The following PDE3B variants were observed in gnomAD, a reference collection of about 807,000 sequenced individuals.
PDE3B encodes cGMP-inhibited 3',5'-cyclic phosphodiesterase 3B.
PDE3B carries 66 observed loss-of-function variants against 116.8 expected under a neutral mutation model. That is an observed-to-expected ratio of 0.56 (90% CI 0.46 to 0.69). PDE3B has a LOEUF of 0.69. Ranked by LOEUF, PDE3B falls within the 30% of genes least tolerant of loss-of-function variation. The pLI is 0.00. For synonymous variants in PDE3B, 595 were observed against 533.6 expected, an observed-to-expected ratio of 1.12 and a Z score of -1.59; for missense variants, 1,384 against 1,368.1, an observed-to-expected ratio of 1.01 and a Z score of -0.18.
intron 1 of PDE3B, among the ~76,000 whole-genome samples, chr11:14,704,123 T>C (rs1282484193): frequency 1.3e-5 from 2 of 151,842 alleles, no homozygotes; most frequent in Non-Finnish European, 3.0e-5. Context: ...ATTCATTTCC[T>C]AGTTTTTATT....
chr11:14,703,884 G>A lies in PDE3B; in HGVS notation c.978+58831G>A, dbSNP rs576528833. On this transcript the variant is annotated intron_variant, in intron 1 of 15. Transcript: ENST00000282096. ...AGTCTGTTAGTGGTAAGTTCTTTTT[G>A]TGTTTCTGGAAGTTTCTTTGTTTAA... 1.5e-4 allele frequency among the ~76,000 whole-genome samples: 23 copies of A among 151,642 alleles called. No homozygotes were observed. In the South Asian group the frequency reaches 4.6e-3, roughly 30 times the overall value.
intron 3 of PDE3B, 80 bp downstream of exon 3, chr11:14,786,765 T>G: frequency 1.7e-6 from 2 of 1,150,160 alleles, no homozygotes; most frequent in South Asian, 2.9e-5. Context: ...AAATTCTATA[T>G]AGAATACAAT....
In PDE3B at chr11:14,644,713, C is replaced by A; in HGVS notation, c.638C>A (p.Pro213Gln). Residue 213 changes from proline to glutamine, a missense_variant, in exon 1 of 16, where the codon CCG becomes CAG. Coordinates refer to ENST00000282096, the MANE Select transcript of PDE3B (RefSeq NM_000922.4). ...CVGLLLTLAHPLRLRHCVLVL... is the reference protein window; with the variant it reads ...CVGLLLTLAHQLRLRHCVLVL... ...GGGCTGCTGCTGACGCTCGCGCACCCGCTGCGGCTCCGGCACTGCGTTCTG... is the reference window on the plus strand; with the variant it reads ...GGGCTGCTGCTGACGCTCGCGCACCAGCTGCGGCTCCGGCACTGCGTTCTG... 1 of 1,535,244 alleles carries A rather than the reference C, an allele frequency of 6.5e-7. No homozygotes were observed. Among genetic ancestry groups the A allele is most frequent in the Non-Finnish European group, 8.7e-7 (1 of 1,143,284 alleles).
Position 14,644,673 on chromosome 11 carries a change from G to A in PDE3B, c.598G>A (p.Val200Met). The stretch of plus-strand genomic sequence containing the variant: ...GGCGGCAGCGGGCAGGTTGCTGCTG[G>A]TGCTGAGCTGCGTAGGGCTGCTGCT... ...PEAAAGRLLL[V>M]LSCVGLLLTL... Residue 200 changes from valine (V) to methionine (M), a missense_variant, in exon 1 of 16, where the codon GTG (valine) becomes ATG (methionine). Physicochemically the swap from Val to Met is conservative, Grantham distance 21. Transcript: ENST00000282096. 6.6e-7 allele frequency: 1 copy of A among 1,503,780 alleles called. No individual in the cohort carries two copies. Among genetic ancestry groups the A allele is most frequent in the Admixed American group, 2.2e-5 (1 of 44,726 alleles). The allele number at this position is 1,503,780 out of a possible 1,614,324, so 93.2% of individuals were successfully genotyped here. A position where few individuals can be genotyped will look rare whatever the true frequency, so the allele number is the denominator to read the frequency against.
intron 1 of PDE3B, among the ~76,000 whole-genome samples, chr11:14,711,435 T>A (rs182790637): frequency 6.6e-6 from 1 of 152,118 alleles, no homozygotes; most frequent in Non-Finnish European, 1.5e-5. Context: ...GAAAAGAAGT[T>A]TAATTGGCTT....
At chr11:14,798,960 T>A (rs1421752104) in intron 4 of PDE3B, among the ~76,000 whole-genome samples, 1 of 152,242 alleles carries the variant, frequency 6.6e-6, no homozygotes, top group Non-Finnish European at 1.5e-5. Flanking sequence ...TAGTTATTTC[T>A]TGCCTTCTGC....
intron 1 of PDE3B, among the ~76,000 whole-genome samples, chr11:14,761,667 T>C (rs1009782401): frequency 6.6e-6 from 1 of 152,150 alleles, no homozygotes; most frequent in African/African-American, 2.4e-5. Flanking sequence ...TGATTTTTTT[T>C]AACAGACAAG....
chr11:14,871,546 GTC>G lies in PDE3B; in HGVS notation c.*1888_*1889del, dbSNP rs1295553409. On this transcript the variant is annotated 3_prime_UTR_variant, in exon 16 of 16. Coordinates refer to ENST00000282096, the MANE Select transcript of PDE3B (RefSeq NM_000922.4). ...TGAGATTGAATCACATTTCCATACT[GTC>G]TGTTATTTTATTGGGTTTTATATTG... 6.6e-6 allele frequency: 1 copy of G among 152,042 alleles called. No homozygotes were observed. Among genetic ancestry groups the G allele is most frequent in the East Asian group, 1.9e-4 (1 of 5,192 alleles). The allele number at this position is 152,042 out of a possible 1,614,324, so 9.4% of individuals were successfully genotyped here.
At chr11:14,815,970 C>CAT (rs1554999072) in intron 5 of PDE3B, among the ~76,000 whole-genome samples, 10,188 of 151,510 alleles carry the variant, frequency 0.067, 423 homozygotes, top group East Asian at 0.13. Flanking sequence ...CACACACACA[C>CAT]GCAGAGAAAG....
intron 4 of PDE3B, among the ~76,000 whole-genome samples, chr11:14,792,772 A>G (rs1858430152): frequency 6.6e-6 from 1 of 152,160 alleles, no homozygotes; most frequent in African/African-American, 2.4e-5. Flanking sequence ...CTTTTAATTT[A>G]AAAAGCAATT....
At chr11:14,887,925 C>T in the PDE3B span, among the ~76,000 whole-genome samples, 1 of 152,242 alleles carries the variant, frequency 6.6e-6, no homozygotes, top group Non-Finnish European at 1.5e-5. Context: ...AACCTCCTAA[C>T]TGGCCTCCCT....
chr11:14,662,355 G>T (rs933059146), intron 1 of PDE3B, among the ~76,000 whole-genome samples: 16 of 151,950 alleles, frequency 1.1e-4, no homozygotes, highest in African/African-American at 3.1e-4. Flanking sequence ...ACAAAGATGG[G>T]GAAAAAACAG....
At chr11:14,702,582 C>G (rs1407192920) in intron 1 of PDE3B, among the ~76,000 whole-genome samples, 1 of 151,776 alleles carries the variant, frequency 6.6e-6, no homozygotes, top group Non-Finnish European at 1.5e-5. Flanking sequence ...TGGAGACTTT[C>G]AGAGAGACTG....
At chr11:14,723,782 G>A (rs753915621) in intron 1 of PDE3B, among the ~76,000 whole-genome samples, 11 of 151,644 alleles carry the variant, frequency 7.3e-5, no homozygotes, top group Admixed American at 3.3e-4. Flanking sequence ...ACAAAAACCA[G>A]TAAAAGCAAG....
intron 12 of PDE3B, among the ~76,000 whole-genome samples, chr11:14,852,789 T>A (rs1847778964): frequency 6.6e-6 from 1 of 152,164 alleles, no homozygotes; most frequent in Admixed American, 6.5e-5. Flanking sequence ...TGCCAGGCGC[T>A]GTGGCTCACA....
chr11:14,650,201 GTTTT>G (rs59519371), intron 1 of PDE3B, among the ~76,000 whole-genome samples: 1 of 130,884 alleles, frequency 7.6e-6, no homozygotes. Flanking sequence ...ATTCAGCAAT[GTTTT>G]TTTTTTTTTT....
intron 1 of PDE3B, among the ~76,000 whole-genome samples, chr11:14,652,660 T>G (rs902820066): frequency 5.3e-5 from 8 of 152,208 alleles, no homozygotes; most frequent in African/African-American, 1.9e-4. Context: ...CTTGCAGAAC[T>G]GACACTCTAT....
chr11:14,844,670 C>G (rs1847552163), intron 12 of PDE3B, among the ~76,000 whole-genome samples: 1 of 152,218 alleles, frequency 6.6e-6, no homozygotes, highest in African/African-American at 2.4e-5. Context: ...AAAAACGGCG[C>G]ACCAGGAGAT....
chr11:14,770,873 T>C (rs1590130227), intron 1 of PDE3B, among the ~76,000 whole-genome samples: 2 of 151,740 alleles, frequency 1.3e-5, no homozygotes, highest in East Asian at 3.9e-4. Context: ...AAAATATGAG[T>C]CAGCAAACTG....
Sources: gnomAD v4.1 joint callset for allele counts (sites outside exome capture counted in the v4.1 genomes callset) on GRCh38, gnomAD v4.1.1 for gene constraint, MANE v1.5 for transcripts, NCBI Gene and HGNC (gene_info 2026-07-23, HGNC 2026-07-21) for gene names.